Variants in TPCN1 observed in about 807,000 individuals in gnomAD.
TPCN1 encodes the protein two pore segment channel 1.
In TPCN1, 52 loss-of-function variants were observed where a neutral mutation model predicts 108.8. The ratio of observed to expected loss-of-function variants is 0.48; its 90% CI spans 0.38 to 0.60. The LOEUF (loss-of-function observed/expected upper bound fraction) is 0.60, where lower values mean the gene tolerates loss of function less well. TPCN1 is among the 20% of genes least tolerant of loss of function. The pLI is 0.00. For missense variants in TPCN1, 806 were observed against 1,072.8 expected, an observed-to-expected ratio of 0.75 and a Z score of 3.47; for synonymous variants, 446 against 433.7, an observed-to-expected ratio of 1.03 and a Z score of -0.35.
rs1256567673 is a variant in TPCN1, at chr12:113,272,531, C to T, written c.749-127C>T. 1.2e-6 allele frequency: 1 copy of T among 864,846 alleles called. No individual in the cohort carries two copies. Among genetic ancestry groups the T allele is most frequent in the Non-Finnish European group, 2.0e-6 (1 of 504,554 alleles). 53.6% of individuals were successfully genotyped at this position (864,846 alleles called of 1,614,324 possible). A position where few individuals can be genotyped will look rare whatever the true frequency, so the allele number is the denominator to read the frequency against. On this transcript the variant is annotated intron_variant, in intron 7 of 27. Transcript: ENST00000335509. This position sits in a 1 kb window ranked among gnomAD's most constrained non-coding sequence, Gnocchi z 4.1. ...ATGTGTTCTCAGGGTGCTGTGGTCC[C>T]CAGCAGTCCCTGCTGCTCTTCCTGA... is the stretch of plus-strand genomic sequence containing the variant.
intron 2 of TPCN1, 109 bp downstream of exon 2, chr12:113,227,073 C>G: frequency 2.2e-6 from 2 of 903,436 alleles, no homozygotes; most frequent in South Asian, 3.5e-5. Flanking sequence ...TGTTGCCTGG[C>G]CCCACATTTG....
At chr12:113,271,335 A>G (rs541571249) in intron 7 of TPCN1, among the ~76,000 whole-genome samples, 146 of 152,300 alleles carry the variant, frequency 9.6e-4, no homozygotes, top group African/African-American at 3.3e-3. Context: ...AGCTTAGGAA[A>G]TGAAGCCTTA....
At chr12:113,251,654 C>T (rs1421627275) in intron 2 of TPCN1, among the ~76,000 whole-genome samples, 2 of 152,222 alleles carry the variant, frequency 1.3e-5, no homozygotes, top group African/African-American at 2.4e-5. Flanking sequence ...GCGGCCAGCC[C>T]GTGAGGCCCA....
At chr12:113,222,958 C>T (rs1459921743) in intron 1 of TPCN1, among the ~76,000 whole-genome samples, 1 of 152,174 alleles carries the variant, frequency 6.6e-6, no homozygotes, top group Non-Finnish European at 1.5e-5. Flanking sequence ...CAAGGAAGTT[C>T]ACGTATATAT....
intron 1 of TPCN1, 75 bp from the exon 2 acceptor site, chr12:113,226,653 A>G (rs1953481285): frequency 2.5e-6 from 3 of 1,193,682 alleles, no homozygotes; most frequent in Non-Finnish European, 2.3e-6. Flanking sequence ...ACCACTATCT[A>G]ATTTCAGAAT....
chr12:113,227,123 G>A (rs575736607), intron 2 of TPCN1, among the ~76,000 whole-genome samples, 159 bp downstream of exon 2: 3 of 152,330 alleles, frequency 2.0e-5, no homozygotes, highest in Admixed American at 2.0e-4. Flanking sequence ...CTGGGAGGCT[G>A]TGTGTTTCTC....
intron 2 of TPCN1, among the ~76,000 whole-genome samples, chr12:113,259,669 A>T (rs993215129): frequency 2.6e-5 from 4 of 152,178 alleles, no homozygotes; most frequent in African/African-American, 9.7e-5. Context: ...GAACAGTTTC[A>T]AGTTCAGCTG....
At position 113,293,051 on chromosome 12, in the gene TPCN1, T is replaced by C; in HGVS notation, c.2231T>C (p.Leu744Pro). 1 of 1,612,534 alleles carries C rather than the reference T, an allele frequency of 6.2e-7. No homozygotes were observed. The highest frequency in any genetic ancestry group is 1.1e-5 in the South Asian group (1 of 91,034). Residue 744 changes from leucine to proline, a missense_variant, in exon 26 of 28, where the codon CTC (leucine) becomes CCC (proline). Coordinates refer to ENST00000335509, the MANE Select transcript of TPCN1 (RefSeq NM_017901.6). The stretch of plus-strand genomic sequence containing the variant: ...GATGTCACCAGGCTGCTGGAGACCC[T>C]CTCCCAGATGGAGAGATACCAGGTG... ...SSDVTRLLET[L>P]SQMERYQQHS...
intron 3 of TPCN1, among the ~76,000 whole-genome samples, chr12:113,263,405 C>T (rs925595528): frequency 1.2e-4 from 19 of 152,186 alleles, no homozygotes; most frequent in Non-Finnish European, 2.6e-4. Flanking sequence ...GAATTACAGG[C>T]ACCTGCCGCC....
At chr12:113,246,145 T>C (rs1954373552) in intron 2 of TPCN1, 1 of 419,576 alleles carries the variant, frequency 2.4e-6, no homozygotes, top group Non-Finnish European at 4.9e-6. Context: ...TGTTTTGTAT[T>C]CTCATGCCTG....
chr12:113,287,062 C>T lies in TPCN1; in HGVS notation c.1602C>T (p.Phe534=). The change falls in exon 19 of 28, where the codon TTC becomes TTT. Residue 534 remains phenylalanine, a synonymous_variant. Transcript: ENST00000335509. ...CCCTCAACATGGAGCCCTTCTATTT[C>T]ATCGTGGTCCTGCGCCCCCTCCAGC... ...ALALNMEPFY[F]IVVLRPLQLL... The T allele has an allele frequency of 6.2e-7, 1 of 1,613,858 alleles. No individual in the cohort carries two copies. The highest frequency in any genetic ancestry group is 8.5e-7 in the Non-Finnish European group (1 of 1,179,968).
At chr12:113,276,470 A>T (rs1238029724) in intron 10 of TPCN1, among the ~76,000 whole-genome samples, 3 of 152,056 alleles carry the variant, frequency 2.0e-5, no homozygotes, top group Non-Finnish European at 4.4e-5. Flanking sequence ...CAGGGGGAGG[A>T]AGGGTCCTTC....
intron 2 of TPCN1, among the ~76,000 whole-genome samples, chr12:113,250,818 T>G (rs942159185): frequency 6.6e-6 from 1 of 151,860 alleles, no homozygotes; most frequent in Non-Finnish European, 1.5e-5. Context: ...TAGCCGGGTG[T>G]GTTGGTGCAC....
rs575220740 is a variant in TPCN1 at position 113,266,956 on chromosome 12, T to C, written c.414+600T>C. Among the ~76,000 whole-genome samples, 2 of 152,294 alleles carry C rather than the reference T, an allele frequency of 1.3e-5. No individual in the cohort carries two copies. The highest frequency in any genetic ancestry group is 1.9e-4 in the East Asian group (1 of 5,180). On this transcript the variant is annotated intron_variant, in intron 4 of 27. Coordinates refer to ENST00000335509, the MANE Select transcript of TPCN1 (RefSeq NM_017901.6). This position sits in a 1 kb window ranked among gnomAD's most constrained non-coding sequence, Gnocchi z 4.2. Reference sequence around the variant, plus strand: ...CTCAGTTTCCCTTCCTGTTTCTCCTTCTTCATGCCTGGAACTCACAGCTCC... The same window carrying C: ...CTCAGTTTCCCTTCCTGTTTCTCCTCCTTCATGCCTGGAACTCACAGCTCC...
chr12:113,266,019 G>C lies in TPCN1; in HGVS notation c.238-161G>C, dbSNP rs1393535973. Among the ~76,000 whole-genome samples, 1 of 150,478 alleles carries C rather than the reference G, an allele frequency of 6.6e-6. No homozygotes were observed. Among genetic ancestry groups the C allele is most frequent in the Non-Finnish European group, 1.5e-5 (1 of 68,002 alleles). On this transcript the variant is annotated intron_variant, in intron 3 of 27. Coordinates refer to ENST00000335509, the MANE Select transcript of TPCN1 (RefSeq NM_017901.6). This position sits in a 1 kb window ranked among gnomAD's most constrained non-coding sequence, Gnocchi z 4.2. The stretch of plus-strand genomic sequence containing the variant: ...GGCAGGAGTGAGACCTGACCACCGT[G>C]AGTTTCGCGAAGATCATTTTGATTT...
intron 2 of TPCN1, among the ~76,000 whole-genome samples, chr12:113,253,231 A>G (rs1954714629): frequency 6.6e-6 from 1 of 152,170 alleles, no homozygotes; most frequent in Non-Finnish European, 1.5e-5. Flanking sequence ...TAACAGATAG[A>G]TACAATGTAT....
At chr12:113,235,946 A>G (rs1481234497) in intron 2 of TPCN1, among the ~76,000 whole-genome samples, 1 of 152,186 alleles carries the variant, frequency 6.6e-6, no homozygotes, top group African/African-American at 2.4e-5. Context: ...GGAAAGGTAT[A>G]CATGTGCTGG....
intron 2 of TPCN1, chr12:113,246,052 G>A (rs1954369669): frequency 4.4e-6 from 2 of 456,002 alleles, no homozygotes; most frequent in Middle Eastern, 3.2e-4. Flanking sequence ...GTGTTACCGT[G>A]TGTGCAAACA....
intron 15 of TPCN1, among the ~76,000 whole-genome samples, chr12:113,283,764 C>T (rs985981150): frequency 2.0e-5 from 3 of 152,196 alleles, no homozygotes; most frequent in African/African-American, 7.2e-5. Flanking sequence ...ACCTTGACCT[C>T]CTGGGTTCAA....
Sources: allele counts gnomAD v4.1 joint callset (sites outside exome capture counted in the v4.1 genomes callset), GRCh38; gene constraint gnomAD v4.1.1; non-coding constraint Gnocchi (gnomAD v3.1); transcripts MANE v1.5; gene names NCBI Gene and HGNC (gene_info 2026-07-23, HGNC 2026-07-21).